Variants in IKZF4 observed in about 807,000 individuals in gnomAD.
IKZF4 encodes IKAROS family zinc finger 4, also known as zinc finger protein Eos.
A neutral mutation model predicts 47.7 loss-of-function variants in IKZF4; 11 were observed. The observed-to-expected ratio is 0.23, with a 90% CI of 0.15 to 0.38. The LOEUF (loss-of-function observed/expected upper bound fraction) is 0.38. IKZF4 is among the 10% of genes least tolerant of loss of function. The pLI, the probability that IKZF4 is intolerant of heterozygous loss-of-function variation, is 1.00. For synonymous variants in IKZF4, 298 were observed against 299.4 expected, an observed-to-expected ratio of 1.00 and a Z score of 0.05; for missense variants, 557 against 784.9, an observed-to-expected ratio of 0.71 and a Z score of 3.47.
intron 5 of IKZF4, among the ~76,000 whole-genome samples, 161 bp downstream of exon 5, chr12:56,028,108 C>T (rs1257477914): frequency 6.6e-6 from 1 of 152,094 alleles, no homozygotes; most frequent in African/African-American, 2.4e-5. Flanking sequence ...CACCCATCCT[C>T]TGGGCAGCAA....
intron 1 of IKZF4, 102 bp downstream of exon 1, chr12:56,021,682 T>TG: frequency 5.6e-6 from 6 of 1,069,438 alleles, no homozygotes; most frequent in African/African-American, 2.1e-5. Flanking sequence ...ATGGAGAGGA[T>TG]GGGGGCTGTG....
At chr12:56,027,125 G>A in intron 4 of IKZF4, 84 bp downstream of exon 4, 1 of 1,330,464 alleles carries the variant, frequency 7.5e-7, no homozygotes, top group Non-Finnish European at 9.8e-7. Context: ...AGCAGGTATG[G>A]GGCTGGAGGA....
rs1488864086 is a variant in IKZF4 at position 56,036,612 on chromosome 12, C to T, written c.*1281C>T. The T allele has an allele frequency of 6.6e-6, 1 of 152,228 alleles. No homozygotes were observed. Among genetic ancestry groups the T allele is most frequent in the East Asian group, 1.9e-4 (1 of 5,194 alleles). The allele number at this position is 152,228 out of a possible 1,614,324, so 9.4% of individuals were successfully genotyped here. A position where few individuals can be genotyped will look rare whatever the true frequency, so the allele number is the denominator to read the frequency against. ...CATGAGCACGGGCACGTGCCCTTCACCCCATTCCACCCTTGTTCCAGCAAG... is the reference window on the plus strand; with the variant it reads ...CATGAGCACGGGCACGTGCCCTTCATCCCATTCCACCCTTGTTCCAGCAAG... On this transcript the variant is annotated 3_prime_UTR_variant, in exon 8 of 8. Transcript: ENST00000547167.
chr12:56,020,426 T>G (rs952710771), upstream of IKZF4, among the ~76,000 whole-genome samples: 3 of 152,234 alleles, frequency 2.0e-5, no homozygotes, highest in Non-Finnish European at 4.4e-5. Context: ...ATTAATTGAC[T>G]GAGCAGGGCT....
At chr12:56,024,835 A>G (rs1893676387) in intron 2 of IKZF4, 1 of 1,413,814 alleles carries the variant, frequency 7.1e-7, no homozygotes, top group Non-Finnish European at 9.2e-7. Flanking sequence ...AGATAAAGGT[A>G]GGGTAGGCAA....
chr12:56,019,410 T>C, upstream of IKZF4: 3 of 980,762 alleles, frequency 3.1e-6, no homozygotes, highest in Non-Finnish European at 2.4e-6. Flanking sequence ...ACCCGGGTAA[T>C]GTAAGGTAAG....
rs1300758257 is a variant in IKZF4, at chr12:56,034,562, T to A, written c.998-9T>A. ...AAACCCAGCCCTGCTGAGTTCCTGT[T>A]CTCCACAGGCGAAAAGCAGATGCGC... On this transcript the variant is annotated splice_polypyrimidine_tract_variant and intron_variant, in intron 7 of 7. Coordinates refer to ENST00000547167, the MANE Select transcript of IKZF4 (RefSeq NM_022465.4). 1.9e-6 allele frequency: 3 copies of A among 1,591,930 alleles called. No individual in the cohort carries two copies. Among genetic ancestry groups the A allele is most frequent in the Admixed American group, 1.7e-5 (1 of 57,956 alleles).
At chr12:56,028,528 G>C (rs375696177) in intron 5 of IKZF4, among the ~76,000 whole-genome samples, 182 of 43,318 alleles carry the variant, frequency 4.2e-3, no homozygotes, top group African/African-American at 0.015. Flanking sequence ...GCGACACTCA[G>C]TCTCAAAAAA....
chr12:56,021,663 C>T (rs1161570321), intron 1 of IKZF4, 83 bp downstream of exon 1: 3 of 1,511,172 alleles, frequency 2.0e-6, no homozygotes, highest in African/African-American at 1.4e-5. Context: ...TACTCCCAAG[C>T]CTGAGGAGAT....
chr12:56,011,700 C>G (rs1273413067), intron 2 of IKZF4: 2 of 152,184 alleles, frequency 1.3e-5, no homozygotes, highest in Non-Finnish European at 2.9e-5. Context: ...TGAGTCAGAC[C>G]TTTCCACTGT....
chr12:56,025,913 C>T lies in IKZF4; in HGVS notation c.286+755C>T, dbSNP rs985175159. On this transcript the variant is annotated intron_variant, in intron 3 of 7. Coordinates refer to ENST00000547167, the MANE Select transcript of IKZF4 (RefSeq NM_022465.4). ...CCCCTTAGTCGCCTCCTCTCCTCAGCGACAGAAGACATCCTATGTACCCCC... is the reference window on the plus strand; with the variant it reads ...CCCCTTAGTCGCCTCCTCTCCTCAGTGACAGAAGACATCCTATGTACCCCC... Among the ~76,000 whole-genome samples the T allele has an allele frequency of 3.8e-4, 58 of 152,196 alleles. 2 individuals are homozygous for T. Among genetic ancestry groups the T allele is most frequent in the Admixed American group, 3.2e-3 (49 of 15,294 alleles).
intron 5 of IKZF4, among the ~76,000 whole-genome samples, chr12:56,028,936 C>G (rs957684399): frequency 1.3e-5 from 2 of 152,168 alleles, no homozygotes; most frequent in Admixed American, 6.5e-5. Flanking sequence ...CCTATTACCC[C>G]CAACATCTAA....
chr12:56,027,057 G>A lies in IKZF4; in HGVS notation c.547+16G>A. 6.7e-7 allele frequency: 1 copy of A among 1,492,804 alleles called. No individual in the cohort carries two copies. The highest frequency in any genetic ancestry group is 1.4e-5 in the African/African-American group (1 of 70,602). The allele number at this position is 1,492,804 out of a possible 1,614,324, so 92.5% of individuals were successfully genotyped here. On this transcript the variant is annotated intron_variant, in intron 4 of 7. Coordinates refer to ENST00000547167, the MANE Select transcript of IKZF4 (RefSeq NM_022465.4). Reference sequence around the variant, plus strand: ...AGTCACACTGGTAAGTAAGCCAGAGGGGCTCTGGGAGGAGCTCCCAGGGTG... The same window carrying A: ...AGTCACACTGGTAAGTAAGCCAGAGAGGCTCTGGGAGGAGCTCCCAGGGTG...
In IKZF4 at chr12:56,035,311, G is replaced by T. The variant is rs1266550692; in HGVS notation, c.1738G>T (p.Gly580Trp). The T allele has an allele frequency of 6.2e-7, 1 of 1,611,888 alleles. No individual in the cohort carries two copies. The highest frequency in any genetic ancestry group is 1.3e-5 in the African/African-American group (1 of 74,846). ...RYEFSSHIVR[G>W]EHKVG ...CGAATTCTCTTCCCACATTGTCCGG[G>T]GGGAGCATAAGGTGGGCTAGCAACC... Residue 580 changes from glycine (G) to tryptophan (W), a missense_variant, in exon 8 of 8, where the codon GGG becomes TGG. Gly to Trp is a radical substitution (Grantham distance 184, BLOSUM62 -2). Around this residue, in one of 6 missense-constraint regions of IKZF4, gnomAD observed 22 missense variants for 65.2 expected, o/e 0.34. Coordinates refer to ENST00000547167, the MANE Select transcript of IKZF4 (RefSeq NM_022465.4). The surrounding 1 kb of genome is among the most constrained non-coding windows in gnomAD (Gnocchi z 6.1).
intron 1 of IKZF4, among the ~76,000 whole-genome samples, chr12:56,023,125 T>G (rs990806483): frequency 2.0e-5 from 3 of 152,222 alleles, no homozygotes; most frequent in African/African-American, 7.2e-5. Flanking sequence ...AGTGTACTTT[T>G]AAATATATTT....
chr12:56,024,788 G>A, intron 2 of IKZF4: 2 of 1,310,236 alleles, frequency 1.5e-6, no homozygotes, highest in Non-Finnish European at 2.0e-6. Flanking sequence ...CCTGCTTCCT[G>A]TGGACGTCAG....
intron 4 of IKZF4, 34 bp downstream of exon 4, chr12:56,027,075 C>A: frequency 1.4e-6 from 2 of 1,467,414 alleles, no homozygotes; most frequent in East Asian, 5.1e-5. Flanking sequence ...GGAGGAGCTC[C>A]CAGGGTGGGG....
intron 5 of IKZF4, among the ~76,000 whole-genome samples, chr12:56,031,513 AAG>A (rs767549174): frequency 1.3e-5 from 2 of 152,198 alleles, no homozygotes; most frequent in Non-Finnish European, 2.9e-5. Context: ...CCTAAAATAC[AAG>A]AGTTTACAGA....
chr12:56,019,357 A>G, upstream of IKZF4: 3 of 985,166 alleles, frequency 3.0e-6, no homozygotes, highest in Non-Finnish European at 3.6e-6. Flanking sequence ...ACTAAAGGAG[A>G]TAGCAAGATG....
Sources: allele counts gnomAD v4.1 joint callset (sites outside exome capture counted in the v4.1 genomes callset), GRCh38; gene constraint gnomAD v4.1.1; regional missense constraint gnomAD v4.1.1; non-coding constraint Gnocchi (gnomAD v3.1); transcripts MANE v1.5; gene names NCBI Gene and HGNC (gene_info 2026-07-23, HGNC 2026-07-21).